CRTC3: variants seen among roughly 807,000 people sequenced by gnomAD.
CRTC3 encodes the protein CREB-regulated transcription coactivator 3.
CRTC3 carries 26 observed loss-of-function variants against 74.5 expected under a neutral mutation model. The ratio of observed to expected loss-of-function variants is 0.35; its 90% CI spans 0.26 to 0.48. CRTC3 has a LOEUF of 0.48. Among genes scored for constraint, CRTC3 ranks in the 20% least tolerant of loss-of-function variants. CRTC3 has a pLI of 0.99. For missense variants in CRTC3, 760 were observed against 787.3 expected, an observed-to-expected ratio of 0.97 and a Z score of 0.41; for synonymous variants, 377 against 325.8, an observed-to-expected ratio of 1.16 and a Z score of -1.69.
chr15:90,622,307 T>C (rs1968678567), intron 9 of CRTC3, among the ~76,000 whole-genome samples: 1 of 152,156 alleles, frequency 6.6e-6, no homozygotes, highest in African/African-American at 2.4e-5. Context: ...TGCAGAGGAA[T>C]TGTGTGAACG....
chr15:90,545,784 T>G (rs1016193489), intron 2 of CRTC3, among the ~76,000 whole-genome samples: 1 of 152,078 alleles, frequency 6.6e-6, no homozygotes, highest in Non-Finnish European at 1.5e-5. Context: ...TTCACTGTGT[T>G]AGCCAGGATG....
At chr15:90,539,688 C>A in intron 1 of CRTC3, 1 of 265,236 alleles carries the variant, frequency 3.8e-6, no homozygotes, top group South Asian at 3.9e-5. Context: ...GAAGGGAAAA[C>A]AGCTAATGTG....
At chr15:90,554,568 C>T (rs991753559) in intron 2 of CRTC3, among the ~76,000 whole-genome samples, 3 of 152,208 alleles carry the variant, frequency 2.0e-5, no homozygotes, top group African/African-American at 7.2e-5. Flanking sequence ...CTTCTGCCAT[C>T]GCTGACACCT....
rs569873414 is a variant in CRTC3, at chr15:90,569,393, C to A, written c.232-24243C>A. ...GAAGTGCAGTGGTGTGATCTTGACT[C>A]CCTGCAGCCTCTGCCTCCCTGGTTC... On this transcript the variant is annotated intron_variant, in intron 2 of 14. Transcript: ENST00000268184. Among the ~76,000 whole-genome samples the A allele has an allele frequency of 8.1e-5, 12 of 147,926 alleles. No homozygotes were observed. In the East Asian group the frequency reaches 2.2e-3, roughly 27 times the overall value.
At chr15:90,547,564 C>T (rs1423273664) in intron 2 of CRTC3, among the ~76,000 whole-genome samples, 1 of 152,168 alleles carries the variant, frequency 6.6e-6, no homozygotes, top group Non-Finnish European at 1.5e-5. Flanking sequence ...TAAACAAAAG[C>T]CAACTTTTCA....
chr15:90,552,081 A>T (rs1167988166), intron 2 of CRTC3, among the ~76,000 whole-genome samples: 1 of 152,110 alleles, frequency 6.6e-6, no homozygotes, highest in East Asian at 1.9e-4. Flanking sequence ...ACTCTTCATT[A>T]ATTGATTAAT....
Position 90,598,287 on chromosome 15 carries a change from G to A in CRTC3, c.352-4037G>A. On this transcript the variant is annotated intron_variant, in intron 3 of 14. Transcript: ENST00000268184. ...TGCTCACCCAGCCGCAGGTCAAGCA[G>A]CACAAAGAAAGGGCCAGGGCGGGTC... 4.9e-6 allele frequency: 3 copies of A among 615,592 alleles called. 1 individual carries two copies. In the South Asian group the frequency reaches 5.7e-5, roughly 12 times the overall value. 38.1% of individuals were successfully genotyped at this position (615,592 alleles called of 1,614,324 possible). A position where few individuals can be genotyped will look rare whatever the true frequency, so the allele number is the denominator to read the frequency against.
intron 6 of CRTC3, among the ~76,000 whole-genome samples, chr15:90,613,329 T>C (rs1309737898): frequency 6.6e-6 from 1 of 152,214 alleles, no homozygotes; most frequent in Non-Finnish European, 1.5e-5. Flanking sequence ...AATAAAGCTT[T>C]CAGTCACTTA....
chr15:90,608,819 C>T (rs1243272409), intron 6 of CRTC3, among the ~76,000 whole-genome samples: 2 of 152,226 alleles, frequency 1.3e-5, no homozygotes, highest in Admixed American at 1.3e-4. Flanking sequence ...GGCACCTGAC[C>T]TGTACATGAA....
intron 2 of CRTC3, among the ~76,000 whole-genome samples, chr15:90,550,487 A>G (rs1966853257): frequency 1.4e-5 from 2 of 147,154 alleles, no homozygotes; most frequent in South Asian, 2.1e-4. Flanking sequence ...ATTTGATGGA[A>G]AATTGTGGAA....
At position 90,570,099 on chromosome 15, in the gene CRTC3, T is replaced by C. The variant is rs78612549; in HGVS notation, c.232-23537T>C. ...ATACAATTATATGGACTGATGGTTA[T>C]AGGAGTATATGAAGTTTTCACACAG... is the stretch of plus-strand genomic sequence containing the variant. On this transcript the variant is annotated intron_variant, in intron 2 of 14. Coordinates refer to ENST00000268184, the MANE Select transcript of CRTC3 (RefSeq NM_022769.5). Among the ~76,000 whole-genome samples, 1,382 of 152,346 alleles carry C rather than the reference T, an allele frequency of 9.1e-3. 47 individuals are homozygous for C. In the East Asian group the frequency reaches 0.12, roughly 13 times the overall value.
At chr15:90,542,536 T>C (rs1966820081) in intron 2 of CRTC3, among the ~76,000 whole-genome samples, 1 of 152,144 alleles carries the variant, frequency 6.6e-6, no homozygotes, top group African/African-American at 2.4e-5. Context: ...CATCACCCCC[T>C]AATATTTCAC....
In CRTC3 at chr15:90,576,310, G is replaced by A. The variant is rs533381536; in HGVS notation, c.232-17326G>A. Reference sequence around the variant, plus strand: ...GGTCAAAATGACCAGACTTGGTGATGACTGAGATGTGCAGGGATGAGGAGG... The same window carrying A: ...GGTCAAAATGACCAGACTTGGTGATAACTGAGATGTGCAGGGATGAGGAGG... On this transcript the variant is annotated intron_variant, in intron 2 of 14. Transcript: ENST00000268184. Among the ~76,000 whole-genome samples the A allele has an allele frequency of 3.3e-5, 5 of 152,246 alleles. No individual in the cohort carries two copies. The East Asian group carries it at 9.6e-4, about 29-fold the overall frequency.
At chr15:90,569,415 G>A (rs983982419) in intron 2 of CRTC3, among the ~76,000 whole-genome samples, 1 of 147,486 alleles carries the variant, frequency 6.8e-6, no homozygotes, top group African/African-American at 2.5e-5. Flanking sequence ...TGCCTCCCTG[G>A]TTCAAACGAT....
chr15:90,633,302 C>T (rs1268418275), intron 11 of CRTC3, among the ~76,000 whole-genome samples: 2 of 152,160 alleles, frequency 1.3e-5, no homozygotes, highest in East Asian at 3.8e-4. Flanking sequence ...CTCCTCTCGA[C>T]ACATTCAAAA....
chr15:90,537,071 G>A (rs16944545), intron 1 of CRTC3, among the ~76,000 whole-genome samples: 24,854 of 152,162 alleles, frequency 0.16, 2,315 homozygotes, highest in African/African-American at 0.24. Context: ...CTCGGCCTTA[G>A]GCTAATCATT....
chr15:90,584,373 G>A (rs1967611318), intron 2 of CRTC3, among the ~76,000 whole-genome samples: 1 of 152,082 alleles, frequency 6.6e-6, no homozygotes, highest in South Asian at 2.1e-4. Context: ...CAGTAGCTGG[G>A]ATTACAGGCA....
Position 90,577,462 on chromosome 15 carries a change from G to A in CRTC3, c.232-16174G>A, listed in dbSNP as rs536173636. 2.6e-5 allele frequency among the ~76,000 whole-genome samples: 4 copies of A among 152,248 alleles called. No individual in the cohort carries two copies. The South Asian group carries it at 8.3e-4, about 32-fold the overall frequency. On this transcript the variant is annotated intron_variant, in intron 2 of 14. Coordinates refer to ENST00000268184, the MANE Select transcript of CRTC3 (RefSeq NM_022769.5). ...TATTTTTGCTTGGCTATTTTGAGAA[G>A]GAGCCTCTAAGAAATTGGATTCAGG... is the stretch of plus-strand genomic sequence containing the variant.
chr15:90,624,433 C>G (rs576153194), intron 9 of CRTC3, among the ~76,000 whole-genome samples: 50 of 152,228 alleles, frequency 3.3e-4, no homozygotes, highest in African/African-American at 1.2e-3. Context: ...CTCCTGAGAA[C>G]AGCACATTCT....
Sources: allele counts gnomAD v4.1 joint callset (sites outside exome capture counted in the v4.1 genomes callset), GRCh38; gene constraint gnomAD v4.1.1; transcripts MANE v1.5; gene names NCBI Gene and HGNC (gene_info 2026-07-23, HGNC 2026-07-21).